ZFP91: variants seen among roughly 807,000 people sequenced by gnomAD.
ZFP91 encodes E3 ubiquitin-protein ligase ZFP91.
Under a neutral mutation model 63.5 loss-of-function variants are expected in ZFP91, and 7 were observed. That is an observed-to-expected ratio of 0.11 (90% CI 0.06 to 0.21). ZFP91 has a LOEUF of 0.21. ZFP91 is among the 10% of genes least tolerant of loss of function. ZFP91 has a pLI of 1.00. For missense variants in ZFP91, 628 were observed against 736.6 expected, an observed-to-expected ratio of 0.85 and a Z score of 1.71; for synonymous variants, 330 against 272.1, an observed-to-expected ratio of 1.21 and a Z score of -2.10.
At chr11:58,591,458 C>T (rs1398053964) in intron 2 of ZFP91, among the ~76,000 whole-genome samples, 1 of 147,940 alleles carries the variant, frequency 6.8e-6, no homozygotes, top group Non-Finnish European at 1.5e-5. Context: ...GTAATTTATA[C>T]ATCATAAAAT....
At chr11:58,613,871 C>T (rs141177344) in intron 8 of ZFP91, among the ~76,000 whole-genome samples, 9 of 152,262 alleles carry the variant, frequency 5.9e-5, no homozygotes, top group African/African-American at 1.9e-4. Flanking sequence ...ATAACAATAG[C>T]CGCTCCTCCT....
In ZFP91 at chr11:58,610,017, A is replaced by G. The variant is rs1855632942; in HGVS notation, c.558A>G (p.Pro186=). 2 of 1,614,220 alleles carry G rather than the reference A, an allele frequency of 1.2e-6. No individual in the cohort carries two copies. Among genetic ancestry groups the G allele is most frequent in the South Asian group, 2.2e-5 (2 of 91,090 alleles). The change falls in exon 3 of 11, where the codon CCA becomes CCG. Residue 186 remains proline (P), a synonymous_variant. Transcript: ENST00000316059. ...GSLQLICKSE[P]NTDQLDYDVG... ...TGCAGCTCATTTGCAAGTCAGAACC[A>G]AATACAGACCAACTTGATTATGGTA...
chr11:58,586,530 A>G (rs1855212623), intron 2 of ZFP91, among the ~76,000 whole-genome samples: 1 of 152,190 alleles, frequency 6.6e-6, no homozygotes, highest in Non-Finnish European at 1.5e-5. Flanking sequence ...GATCAATCCC[A>G]CTTTACTGTT....
At chr11:58,616,866 C>T (rs1256060683) in intron 10 of ZFP91, 51 bp downstream of exon 10, 6 of 1,550,270 alleles carry the variant, frequency 3.9e-6, no homozygotes, top group Non-Finnish European at 5.3e-6. Context: ...ATATGCCCTA[C>T]TTGAAGGTTT....
At chr11:58,595,572 C>CTTTTTTT (rs34767843) in intron 2 of ZFP91, among the ~76,000 whole-genome samples, 1 of 136,822 alleles carries the variant, frequency 7.3e-6, no homozygotes. Flanking sequence ...TAGTATCAAT[C>CTTTTTTT]TTTTTTTTTT....
At chr11:58,605,517 G>A (rs1438074091) in intron 2 of ZFP91, among the ~76,000 whole-genome samples, 1 of 151,086 alleles carries the variant, frequency 6.6e-6, no homozygotes, top group African/African-American at 2.4e-5. Flanking sequence ...TTTCATCTTC[G>A]TTTTTAAAGA....
intron 2 of ZFP91, among the ~76,000 whole-genome samples, chr11:58,599,061 A>G (rs1855451987): frequency 6.6e-6 from 1 of 152,072 alleles, no homozygotes; most frequent in South Asian, 2.1e-4. Flanking sequence ...CAATATGTGC[A>G]ATATGTGACT....
At chr11:58,595,606 C>T (rs545661353) in intron 2 of ZFP91, among the ~76,000 whole-genome samples, 11 of 145,094 alleles carry the variant, frequency 7.6e-5, no homozygotes, top group African/African-American at 2.6e-4. Flanking sequence ...GAGACGGGGT[C>T]GTACTTTGTT....
chr11:58,579,365 G>A lies in ZFP91; in HGVS notation c.84G>A (p.Glu28=). ...GGEAAKAAPE[E]PQQRPPEAVA... ...AGGCGGCCAAGGCGGCTCCGGAGGA[G>A]CCCCAACAACGGCCCCCTGAGGCGG... The change falls in exon 1 of 11, where the codon GAG becomes GAA. Residue 28 remains glutamate, a synonymous_variant. Transcript: ENST00000316059. 1 of 1,491,528 alleles carries A rather than the reference G, an allele frequency of 6.7e-7. No individual in the cohort carries two copies. Among genetic ancestry groups the A allele is most frequent in the Non-Finnish European group, 8.9e-7 (1 of 1,125,278 alleles). 92.4% of individuals were successfully genotyped at this position (1,491,528 alleles called of 1,614,324 possible).
Position 58,579,743 on chromosome 11 carries a change from A to G in ZFP91, c.341+121A>G. On this transcript the variant is annotated intron_variant, in intron 1 of 10. Transcript: ENST00000316059. Reference sequence around the variant, plus strand: ...CTGGTCTGCCCCCTGCCGGCTCCGCACGCCAGATGTCACACCGTTTCCCCG... The same window carrying G: ...CTGGTCTGCCCCCTGCCGGCTCCGCGCGCCAGATGTCACACCGTTTCCCCG... The G allele has an allele frequency of 1.8e-5, 17 of 946,818 alleles. No individual in the cohort carries two copies. In the South Asian group the frequency reaches 3.1e-4, roughly 17 times the overall value. The allele number at this position is 946,818 out of a possible 1,614,324, so 58.7% of individuals were successfully genotyped here. A position where few individuals can be genotyped will look rare whatever the true frequency, so the allele number is the denominator to read the frequency against.
chr11:58,614,820 G>A (rs1431629116), intron 9 of ZFP91, among the ~76,000 whole-genome samples: 1 of 152,070 alleles, frequency 6.6e-6, no homozygotes, highest in Non-Finnish European at 1.5e-5. Context: ...AACTCCCATA[G>A]GAACTGTCAA....
At chr11:58,588,366 C>T (rs1855247032) in intron 2 of ZFP91, among the ~76,000 whole-genome samples, 1 of 152,048 alleles carries the variant, frequency 6.6e-6, no homozygotes, top group South Asian at 2.1e-4. Flanking sequence ...TTTACCTTAC[C>T]TAGTTTATCA....
chr11:58,579,523 G>T lies in ZFP91; in HGVS notation c.242G>T (p.Arg81Met), dbSNP rs1276490739. 7 of 1,567,746 alleles carry T rather than the reference G, an allele frequency of 4.5e-6. No individual in the cohort carries two copies. The highest frequency in any genetic ancestry group is 1.8e-5 in the Admixed American group (1 of 54,708). Residue 81 changes from arginine to methionine, a missense_variant, in exon 1 of 11, where the codon AGG (arginine) becomes ATG (methionine). This residue lies in a region of ZFP91 where 437 missense variants were observed against 380.3 expected (regional missense o/e 1.15). Coordinates refer to ENST00000316059, the MANE Select transcript of ZFP91 (RefSeq NM_053023.5). Reference sequence around the variant, plus strand: ...AAGGCCGAGTATCCCCGCCGGCGGAGGAGCAGCCCCAGCGCCAGGCCTCCC... The same window carrying T: ...AAGGCCGAGTATCCCCGCCGGCGGATGAGCAGCCCCAGCGCCAGGCCTCCC... ...RRKAEYPRRR[R>M]SSPSARPPDV...
In ZFP91 at chr11:58,618,987, C is replaced by G. The variant is rs950013449; in HGVS notation, c.*1281C>G. The G allele has an allele frequency of 4.7e-6, 1 of 211,368 alleles. No individual in the cohort carries two copies. Among genetic ancestry groups the G allele is most frequent in the African/African-American group, 2.4e-5 (1 of 41,972 alleles). The allele number at this position is 211,368 out of a possible 1,614,324, so 13.1% of individuals were successfully genotyped here. A position where few individuals can be genotyped will look rare whatever the true frequency, so the allele number is the denominator to read the frequency against. On this transcript the variant is annotated 3_prime_UTR_variant, in exon 11 of 11. Transcript: ENST00000316059. ...TTGTCCCTACCATTTCCTTACATTT[C>G]CCTTGGGGCCCATCTCTGGCTCCTT...
At position 58,616,823 on chromosome 11, in the gene ZFP91, T is replaced by G; in HGVS notation, c.1202+8T>G. ...TGGCGAGAAGCCATTACAGTGAGTA[T>G]TATTTACTGGTGAACATCTGGGTGA... On this transcript the variant is annotated splice_region_variant and intron_variant, in intron 10 of 10. Transcript: ENST00000316059. 10 of 1,612,148 alleles carry G rather than the reference T, an allele frequency of 6.2e-6. No individual in the cohort carries two copies. The highest frequency in any genetic ancestry group is 7.6e-6 in the Non-Finnish European group (9 of 1,178,374).
intron 2 of ZFP91, among the ~76,000 whole-genome samples, chr11:58,603,063 G>A (rs1209999678): frequency 6.6e-6 from 1 of 152,154 alleles, no homozygotes. Context: ...AGTCTGATGA[G>A]GCCTTAGAAG....
At chr11:58,607,377 T>G (rs2134415138) in intron 2 of ZFP91, among the ~76,000 whole-genome samples, 1 of 152,324 alleles carries the variant, frequency 6.6e-6, no homozygotes, top group East Asian at 1.9e-4. Flanking sequence ...GCTTCTTTTT[T>G]GGGCTTCCAG....
chr11:58,602,838 G>A (rs1855512270), intron 2 of ZFP91, among the ~76,000 whole-genome samples: 1 of 152,146 alleles, frequency 6.6e-6, no homozygotes, highest in African/African-American at 2.4e-5. Flanking sequence ...AGTATTTTGA[G>A]GTATGGTGCA....
At chr11:58,598,880 C>T (rs1307058645) in intron 2 of ZFP91, among the ~76,000 whole-genome samples, 1 of 151,748 alleles carries the variant, frequency 6.6e-6, no homozygotes, top group Non-Finnish European at 1.5e-5. Context: ...TGTTGTACAA[C>T]CATCACTTCT....
Sources: allele counts gnomAD v4.1 joint callset (sites outside exome capture counted in the v4.1 genomes callset), GRCh38; gene constraint gnomAD v4.1.1; regional missense constraint gnomAD v4.1.1; transcripts MANE v1.5; gene names NCBI Gene and HGNC (gene_info 2026-07-23, HGNC 2026-07-21).